Variants in RNF216 observed in about 807,000 individuals in gnomAD.
RNF216 encodes E3 ubiquitin-protein ligase RNF216.
In RNF216, 72 loss-of-function variants were observed where a neutral mutation model predicts 110.8. The observed-to-expected ratio is 0.65, with a 90% CI of 0.54 to 0.79. The LOEUF (loss-of-function observed/expected upper bound fraction) is 0.79. Ranked by LOEUF, RNF216 falls within the 30% of genes least tolerant of loss-of-function variation. The pLI is 0.00. For synonymous variants in RNF216, 495 were observed against 407.5 expected (o/e 1.21, Z -2.59); for missense variants, 1,342 against 1,141.2 (o/e 1.18, Z -2.54).
intron 13 of RNF216, among the ~76,000 whole-genome samples, chr7:5,702,087 C>T (rs563554373): frequency 6.6e-6 from 1 of 152,284 alleles, no homozygotes; most frequent in Admixed American, 6.5e-5. Context: ...GTTCTCGGAG[C>T]CCACGCTGAC....
chr7:5,750,616 G>C (rs1479426434), intron 3 of RNF216, among the ~76,000 whole-genome samples: 3 of 152,164 alleles, frequency 2.0e-5, no homozygotes, highest in Non-Finnish European at 4.4e-5. Flanking sequence ...TACGCAAATC[G>C]CAAGGAATAA....
At chr7:5,627,695 C>T (rs1431143364) in intron 15 of RNF216, among the ~76,000 whole-genome samples, 2 of 151,476 alleles carry the variant, frequency 1.3e-5, no homozygotes, top group African/African-American at 4.9e-5. Flanking sequence ...TGCAGTGAGC[C>T]GAGATCGCGC....
At chr7:5,715,680 C>T (rs1793006655) in intron 10 of RNF216, among the ~76,000 whole-genome samples, 2 of 151,808 alleles carry the variant, frequency 1.3e-5, no homozygotes, top group African/African-American at 4.8e-5. Context: ...AAGTAATGTA[C>T]CAGGCTATTG....
At chr7:5,677,225 G>C (rs188728650) in intron 13 of RNF216, among the ~76,000 whole-genome samples, 3 of 152,194 alleles carry the variant, frequency 2.0e-5, no homozygotes, top group Admixed American at 2.0e-4. Context: ...TGCTCAGCAC[G>C]TGCTTCTGCA....
intron 13 of RNF216, among the ~76,000 whole-genome samples, chr7:5,701,795 C>T (rs1033387702): frequency 1.3e-5 from 2 of 152,220 alleles, no homozygotes; most frequent in South Asian, 4.1e-4. Context: ...TGCAGAGCTG[C>T]ACATCAATCA....
Position 5,741,084 on chromosome 7 carries a change from T to C in RNF216, c.933A>G (p.Pro311=). The change falls in exon 4 of 17, where the codon CCA becomes CCG. Residue 311 remains proline (P), a synonymous_variant. Transcript: ENST00000389902. ...DQQLASDDEE[P]GPAFPMQESQ... is the part of the protein sequence containing the mutation. ...ATTCTTGCATTGGAAAGGCTGGACC[T>C]GGCTCTTCATCATCACTTGCTAACT... The C allele has an allele frequency of 6.2e-7, 1 of 1,614,196 alleles. No individual in the cohort carries two copies. The highest frequency in any genetic ancestry group is 8.5e-7 in the Non-Finnish European group (1 of 1,180,044).
intron 13 of RNF216, among the ~76,000 whole-genome samples, chr7:5,690,534 G>A (rs200817631): frequency 6.6e-6 from 1 of 152,058 alleles, no homozygotes; most frequent in Admixed American, 6.6e-5. Flanking sequence ...TAGACCAGGG[G>A]AGGAGGCGCC....
At chr7:5,713,102 G>A (rs916189081) in intron 11 of RNF216, among the ~76,000 whole-genome samples, 14 of 152,142 alleles carry the variant, frequency 9.2e-5, no homozygotes, top group African/African-American at 1.4e-4. Flanking sequence ...TGAAAGTGGC[G>A]GAAGGGCAAA....
In RNF216 at chr7:5,696,976, T is replaced by TC. The variant is rs985397337; in HGVS notation, c.2061+14784_2061+14785insG. 2.0e-5 allele frequency among the ~76,000 whole-genome samples: 3 copies of TC among 152,124 alleles called. No individual in the cohort carries two copies. Among genetic ancestry groups the TC allele is most frequent in the African/African-American group, 7.2e-5 (3 of 41,424 alleles). On this transcript the variant is annotated intron_variant, in intron 13 of 16. Transcript: ENST00000389902. The surrounding 1 kb of genome is among the most constrained non-coding windows in gnomAD (Gnocchi z 5.4). The stretch of plus-strand genomic sequence containing the variant: ...ATGTGATCCCACTGTGTCCCTCCAT[T>TC]ACGCCAGCAACAGCTCCAGGGACGG...
At chr7:5,779,541 C>T (rs187899834) in intron 1 of RNF216, among the ~76,000 whole-genome samples, 76 of 151,764 alleles carry the variant, frequency 5.0e-4, no homozygotes, top group Non-Finnish European at 9.1e-4. Flanking sequence ...CCCTTCTCAG[C>T]GCGTAAAGAA....
intron 14 of RNF216, among the ~76,000 whole-genome samples, chr7:5,642,300 C>T (rs1787786216): frequency 6.6e-6 from 1 of 151,578 alleles, no homozygotes; most frequent in Admixed American, 6.6e-5. Context: ...GCAACCTCCG[C>T]CTCCCCGGGT....
At chr7:5,736,410 G>C (rs1794402056) in intron 5 of RNF216, among the ~76,000 whole-genome samples, 1 of 152,164 alleles carries the variant, frequency 6.6e-6, no homozygotes, top group African/African-American at 2.4e-5. Flanking sequence ...ATGGAGTCTC[G>C]TTCACTCAGT....
At chr7:5,652,959 A>T (rs982017469) in intron 13 of RNF216, among the ~76,000 whole-genome samples, 2 of 152,138 alleles carry the variant, frequency 1.3e-5, no homozygotes, top group Non-Finnish European at 2.9e-5. Flanking sequence ...ACCAAAGGAG[A>T]CGGATCTTGG....
At chr7:5,755,644 C>A (rs1237270946) in intron 2 of RNF216, among the ~76,000 whole-genome samples, 2 of 152,156 alleles carry the variant, frequency 1.3e-5, no homozygotes, top group African/African-American at 4.8e-5. Context: ...TGTTATAATT[C>A]TTTCTTGTAT....
At chr7:5,758,204 T>C (rs1238228380) in intron 2 of RNF216, among the ~76,000 whole-genome samples, 3 of 152,242 alleles carry the variant, frequency 2.0e-5, no homozygotes, top group African/African-American at 7.2e-5. Context: ...TAATTGGATA[T>C]ACATGTACAG....
chr7:5,712,896 AT>A (rs760611796), intron 11 of RNF216, 33 bp from the exon 12 acceptor site: 160 of 1,585,086 alleles, frequency 1.0e-4, no homozygotes, highest in Non-Finnish European at 2.4e-5. Context: ...AGAAAAAAAA[AT>A]CAATACCATT....
At chr7:5,655,536 G>A (rs1747060247) in intron 13 of RNF216, among the ~76,000 whole-genome samples, 1 of 152,088 alleles carries the variant, frequency 6.6e-6, no homozygotes, top group Non-Finnish European at 1.5e-5. Context: ...AACCTGGGGG[G>A]CGGAGGTTGC....
rs146378724 is a variant in RNF216 at position 5,777,183 on chromosome 7, G to A, written c.-70+4358C>T. ...TGAACGAAGAAGACATTGTGGAAGC[G>A]GATGCTCCAGCACTGGCCACCTCTG... On this transcript the variant is annotated intron_variant, in intron 1 of 16. Coordinates refer to ENST00000389902, the MANE Select transcript of RNF216 (RefSeq NM_207111.4). Among the ~76,000 whole-genome samples the A allele has an allele frequency of 2.0e-3, 310 of 152,238 alleles. 1 individual carries two copies. The highest frequency in any genetic ancestry group is 3.5e-3 in the South Asian group (17 of 4,820).
At position 5,620,864 on chromosome 7, in the gene RNF216, A is replaced by T. The variant is rs1786310152; in HGVS notation, c.*1996T>A. On this transcript the variant is annotated 3_prime_UTR_variant, in exon 17 of 17. Coordinates refer to ENST00000389902, the MANE Select transcript of RNF216 (RefSeq NM_207111.4). ...GCTGAGGCTCCCAGGGCCTGAGGTC[A>T]CCTCTTCAGCTGTGATGTCTACAGC... is the stretch of plus-strand genomic sequence containing the variant. 6.6e-6 allele frequency: 1 copy of T among 152,194 alleles called. No individual in the cohort carries two copies. The highest frequency in any genetic ancestry group is 2.4e-5 in the African/African-American group (1 of 41,424). 9.4% of individuals were successfully genotyped at this position (152,194 alleles called of 1,614,324 possible).
Sources: allele counts gnomAD v4.1 joint callset (sites outside exome capture counted in the v4.1 genomes callset), GRCh38; gene constraint gnomAD v4.1.1; non-coding constraint Gnocchi (gnomAD v3.1); transcripts MANE v1.5; gene names NCBI Gene and HGNC (gene_info 2026-07-23, HGNC 2026-07-21).